PTBP2: variants seen among roughly 807,000 people sequenced by gnomAD.
PTBP2 encodes polypyrimidine tract-binding protein 2.
Under a neutral mutation model 61.4 loss-of-function variants are expected in PTBP2, and 13 were observed. That is an observed-to-expected ratio of 0.21 (90% CI 0.14 to 0.34). The LOEUF is 0.34. Ranked by LOEUF, PTBP2 falls within the 10% of genes least tolerant of loss-of-function variation. The pLI is 1.00. For missense variants in PTBP2, 405 were observed against 642.6 expected (o/e 0.63, Z 4.00); for synonymous variants, 215 against 218.5 (o/e 0.98, Z 0.14).
At position 96,730,981 on chromosome 1, in the gene PTBP2, C is replaced by G. The variant is rs572449058; in HGVS notation, c.39+7387C>G. Among the ~76,000 whole-genome samples the G allele has an allele frequency of 1.6e-4, 24 of 152,168 alleles. No individual in the cohort carries two copies. The South Asian group carries it at 5.0e-3, about 32-fold the overall frequency. ...CGAGGCAAATCTGGGTCATGTTATT[C>G]TGTCTTGACTGGAAGTAGAAGTCCA... On this transcript the variant is annotated intron_variant, in intron 2 of 13. Coordinates refer to ENST00000674951, the MANE Select transcript of PTBP2 (RefSeq NM_021190.4).
intron 11 of PTBP2, among the ~76,000 whole-genome samples, chr1:96,810,440 C>G (rs1014095264): frequency 6.6e-6 from 1 of 152,146 alleles, no homozygotes; most frequent in Non-Finnish European, 1.5e-5. Context: ...CATCCCCCTT[C>G]CCCTTTAGAT....
At position 96,749,786 on chromosome 1, in the gene PTBP2, G is replaced by A. The variant is rs115417275; in HGVS notation, c.40-1639G>A. The A allele has an allele frequency of 2.0e-3, 755 of 375,510 alleles. 10 individuals carry two copies. Among genetic ancestry groups the A allele is most frequent in the African/African-American group, 0.014 (683 of 48,256 alleles). 23.3% of individuals were successfully genotyped at this position (375,510 alleles called of 1,614,324 possible). ...ACTACTGATGTGAGCCAGGCACTTT[G>A]CCTGGTAATCACTGTTCGTGTATAA... On this transcript the variant is annotated intron_variant, in intron 2 of 13. Coordinates refer to ENST00000674951, the MANE Select transcript of PTBP2 (RefSeq NM_021190.4).
intron 1 of PTBP2, 129 bp downstream of exon 1, chr1:96,722,001 GC>G: frequency 8.4e-7 from 1 of 1,190,506 alleles, no homozygotes; most frequent in Non-Finnish European, 1.2e-6. Context: ...CCCAACCCCC[GC>G]CCCATCGCAC....
intron 8 of PTBP2, among the ~76,000 whole-genome samples, chr1:96,789,076 TTTA>T (rs1659507509): frequency 6.6e-6 from 1 of 152,094 alleles, no homozygotes; most frequent in African/African-American, 2.4e-5. Flanking sequence ...GTGTAGTTAA[TTTA>T]TTAAGGGGTA....
intron 1 of PTBP2, among the ~76,000 whole-genome samples, chr1:96,722,719 T>A (rs1649785526): frequency 6.6e-6 from 1 of 152,180 alleles, no homozygotes; most frequent in Non-Finnish European, 1.5e-5. Flanking sequence ...CTTTGGTCAG[T>A]TTCTGGAAAA....
intron 2 of PTBP2, 167 bp from the exon 3 acceptor site, chr1:96,751,258 A>G: frequency 1.4e-6 from 1 of 690,372 alleles, no homozygotes; most frequent in Non-Finnish European, 2.7e-6. Flanking sequence ...TGAGAATGGG[A>G]GAGGGATAGA....
At chr1:96,807,515 G>C (rs1213629317) in intron 11 of PTBP2, among the ~76,000 whole-genome samples, 2 of 152,016 alleles carry the variant, frequency 1.3e-5, no homozygotes, top group Non-Finnish European at 2.9e-5. Context: ...ATACATCCTC[G>C]AATACATAAA....
Position 96,813,264 on chromosome 1 carries a change from T to C in PTBP2, c.1467-12T>C, listed in dbSNP as rs765703366. On this transcript the variant is annotated splice_polypyrimidine_tract_variant and intron_variant, in intron 13 of 13. Transcript: ENST00000674951. ...GTATGAAGTGTCTAATTTTATAATT[T>C]TGTTTCAGAAGAGATCACAAAATGG... 7 of 1,583,778 alleles carry C rather than the reference T, an allele frequency of 4.4e-6. No homozygotes were observed. Among genetic ancestry groups the C allele is most frequent in the Non-Finnish European group, 6.0e-6 (7 of 1,171,550 alleles).
chr1:96,725,934 G>A (rs1023016544), intron 2 of PTBP2, among the ~76,000 whole-genome samples: 4 of 151,408 alleles, frequency 2.6e-5, no homozygotes, highest in Admixed American at 6.6e-5. Context: ...AATTAGCCGG[G>A]TGTGGTGACG....
chr1:96,806,551 A>C, intron 10 of PTBP2, 99 bp downstream of exon 10: 1 of 1,314,456 alleles, frequency 7.6e-7, no homozygotes, highest in Non-Finnish European at 1.1e-6. Flanking sequence ...GTTGAATAGT[A>C]AATCTTTTGC....
exon 14 of PTBP2, chr1:96,822,196 A>G (rs953399588): frequency 1.3e-5 from 2 of 152,160 alleles, no homozygotes; most frequent in African/African-American, 4.8e-5. Flanking sequence ...TGGAGGAACT[A>G]TTGGGTGTTA....
rs372087623 is a variant in PTBP2, at chr1:96,749,031, G to A, written c.40-2394G>A. Among the ~76,000 whole-genome samples the A allele has an allele frequency of 7.2e-5, 11 of 152,024 alleles. 1 individual carries two copies. The East Asian group carries it at 2.1e-3, about 29-fold the overall frequency. ...ATTTGACGTTATTCTCAGTAATGAA[G>A]GCTGTTAAATCTCCTCTCTTAACGG... On this transcript the variant is annotated intron_variant, in intron 2 of 13. Transcript: ENST00000674951.
At chr1:96,735,125 C>G (rs1240284702) in intron 2 of PTBP2, among the ~76,000 whole-genome samples, 1 of 151,936 alleles carries the variant, frequency 6.6e-6, no homozygotes, top group African/African-American at 2.4e-5. Flanking sequence ...ACCACGTTGG[C>G]CAGGCTGACT....
Position 96,762,403 on chromosome 1 carries a change from C to T in PTBP2, c.116-7300C>T, listed in dbSNP as rs569203901. Among the ~76,000 whole-genome samples, 906 of 149,286 alleles carry T rather than the reference C, an allele frequency of 6.1e-3. 5 individuals carry two copies. Among genetic ancestry groups the T allele is most frequent in the Non-Finnish European group, 9.8e-3 (657 of 67,126 alleles). On this transcript the variant is annotated intron_variant, in intron 3 of 13. Transcript: ENST00000674951. ...GGCTGGCCGGGCGGGGGGCTGACCCCCCCACCTCCCTCCCGGATGGGGCAG... is the reference window on the plus strand; with the variant it reads ...GGCTGGCCGGGCGGGGGGCTGACCCTCCCACCTCCCTCCCGGATGGGGCAG...
intron 8 of PTBP2, among the ~76,000 whole-genome samples, chr1:96,803,877 A>G (rs1290663675): frequency 6.6e-6 from 1 of 152,208 alleles, no homozygotes; most frequent in Non-Finnish European, 1.5e-5. Context: ...AAAAGAACAT[A>G]TAATTCGTTT....
chr1:96,725,458 C>T (rs1406829015), intron 2 of PTBP2, among the ~76,000 whole-genome samples: 1 of 151,982 alleles, frequency 6.6e-6, no homozygotes, highest in Non-Finnish European at 1.5e-5. Flanking sequence ...CACCACCACG[C>T]CCGGCTAATT....
At chr1:96,818,767 T>A (rs1557789881), downstream of PTBP2, 1 of 152,090 alleles carries the variant, frequency 6.6e-6, no homozygotes. Context: ...ATATAGTTAA[T>A]ACCAAGAAAT....
At chr1:96,793,135 G>A (rs990033103) in intron 8 of PTBP2, among the ~76,000 whole-genome samples, 2 of 151,956 alleles carry the variant, frequency 1.3e-5, no homozygotes, top group African/African-American at 4.8e-5. Flanking sequence ...CCATAACTTC[G>A]GCTTTCTCAT....
intron 11 of PTBP2, among the ~76,000 whole-genome samples, chr1:96,809,034 ATTAAC>A (rs551442259): frequency 6.7e-4 from 102 of 152,318 alleles, no homozygotes; most frequent in African/African-American, 2.3e-3. Flanking sequence ...AAATACCTTT[ATTAAC>A]TTAAGACAGA....
Sources: gnomAD v4.1 joint callset for allele counts (sites outside exome capture counted in the v4.1 genomes callset) on GRCh38, gnomAD v4.1.1 for gene constraint, MANE v1.5 for transcripts, NCBI Gene and HGNC (gene_info 2026-07-23, HGNC 2026-07-21) for gene names.